Variants in CRADD observed in about 807,000 individuals in gnomAD.
CRADD encodes death domain-containing protein CRADD.
A neutral mutation model predicts 15.5 loss-of-function variants in CRADD; 9 were observed. The observed-to-expected ratio is 0.58, with a 90% CI of 0.35 to 1.01. CRADD has a LOEUF of 1.01. CRADD is among the 50% of genes least tolerant of loss of function. The probability of loss-of-function intolerance (pLI) is 0.02; values close to 1 mark genes in which losing one functional copy is unlikely to be tolerated. For synonymous variants in CRADD, 118 were observed against 107.6 expected (o/e 1.10, Z -0.60); for missense variants, 227 against 250.3 (o/e 0.91, Z 0.63).
At chr12:93,850,884 C>A, downstream of CRADD, 2 of 317,678 alleles carry the variant, frequency 6.3e-6, no homozygotes, top group Non-Finnish European at 9.1e-6. The surrounding 1 kb of genome is among the most constrained non-coding windows in gnomAD (Gnocchi z 4.0). Flanking sequence ...GTTACTTTCC[C>A]AAGTCAGGAT....
rs893710633 is a variant in CRADD, at chr12:93,752,284, C to G, written c.298+73212C>G. ...CTGGCTAACTCATGATTCAGAAGCC[C>G]TTTGGATCCACTTATAAGGCCATTC... On this transcript the variant is annotated intron_variant, in intron 2 of 2. Coordinates refer to ENST00000332896, the MANE Select transcript of CRADD (RefSeq NM_003805.5). 3.7e-4 allele frequency among the ~76,000 whole-genome samples: 56 copies of G among 152,164 alleles called. 1 individual carries two copies. The highest frequency in any genetic ancestry group is 3.9e-4 in the Admixed American group (6 of 15,282).
intron 2 of CRADD, among the ~76,000 whole-genome samples, chr12:93,711,055 C>CCCCCCT: frequency 1.2e-3 from 53 of 43,496 alleles, no homozygotes; most frequent in Admixed American, 2.1e-3. Flanking sequence ...CCACCCCCGC[C>CCCCCCT]TTTTTTTTTT....
At chr12:93,815,916 T>C (rs973029075) in intron 2 of CRADD, 21 of 152,192 alleles carry the variant, frequency 1.4e-4, no homozygotes, top group African/African-American at 4.8e-4. Context: ...GTGTCACTGC[T>C]CACTCCTGTG....
chr12:93,680,296 C>T (rs1222036303), intron 2 of CRADD, among the ~76,000 whole-genome samples: 2 of 152,032 alleles, frequency 1.3e-5, no homozygotes, highest in Admixed American at 1.3e-4. Context: ...AGAACTATTC[C>T]GGTTCAGTGG....
At chr12:93,813,854 A>G (rs1488807994) in intron 2 of CRADD, among the ~76,000 whole-genome samples, 1 of 152,124 alleles carries the variant, frequency 6.6e-6, no homozygotes, top group African/African-American at 2.4e-5. Context: ...GGAGAGAAAG[A>G]AAGAAGAATA....
chr12:93,685,270 G>A (rs1013646319), intron 2 of CRADD, among the ~76,000 whole-genome samples: 2 of 152,096 alleles, frequency 1.3e-5, no homozygotes, highest in African/African-American at 2.4e-5. Context: ...TGGTTATTAG[G>A]GACTGGGAAG....
chr12:93,779,879 G>A (rs1182625388), intron 2 of CRADD, among the ~76,000 whole-genome samples: 3 of 152,162 alleles, frequency 2.0e-5, no homozygotes, highest in African/African-American at 4.8e-5. Context: ...ATGAGCCACC[G>A]CGCCTGGCCC....
chr12:93,726,207 G>A (rs967394235), intron 2 of CRADD, among the ~76,000 whole-genome samples: 5 of 146,174 alleles, frequency 3.4e-5, no homozygotes, highest in South Asian at 2.2e-4. Flanking sequence ...AGGTTCAAGC[G>A]ATTCTCCTGT....
At position 93,882,134 on chromosome 12, in the gene CRADD, A is replaced by T. The variant is rs76307826; in HGVS notation, c.299-11916A>T. 3.1e-4 allele frequency among the ~76,000 whole-genome samples: 47 copies of T among 151,576 alleles called. No homozygotes were observed. The East Asian group carries it at 5.8e-3, about 19-fold the overall frequency. ...GTAAGACTCTGTTTCAAAAAAAATT[A>T]AAAAAGGCCAGGCACGGTGGCTCAT... On this transcript the variant is annotated intron_variant, in intron 2 of 2. Transcript: ENST00000548483.
intron 2 of CRADD, among the ~76,000 whole-genome samples, chr12:93,878,185 A>C (rs868791074): frequency 1.1e-4 from 16 of 152,188 alleles, no homozygotes; most frequent in African/African-American, 3.9e-4. Context: ...ATTTTGTCCA[A>C]GACCATTAAG....
At chr12:93,835,435 T>C (rs574605959) in intron 2 of CRADD, among the ~76,000 whole-genome samples, 1 of 152,338 alleles carries the variant, frequency 6.6e-6, no homozygotes, top group South Asian at 2.1e-4. Context: ...TTGTTTCATA[T>C]TCATTTTTTG....
Position 93,805,597 on chromosome 12 carries a change from T to TAAATAAAA in CRADD, c.299-44370_299-44369insTAAAAAAA, listed in dbSNP as rs1287198124. 1.3e-5 allele frequency among the ~76,000 whole-genome samples: 2 copies of TAAATAAAA among 150,758 alleles called. 1 individual carries two copies. Among genetic ancestry groups the TAAATAAAA allele is most frequent in the Admixed American group, 1.3e-4 (2 of 15,070 alleles). ...GTGTATAAATAAATAAATAAATAAA[T>TAAATAAAA]AAAAATAAAAATAAACAGCTAACTA... On this transcript the variant is annotated intron_variant, in intron 2 of 2. Coordinates refer to ENST00000332896, the MANE Select transcript of CRADD (RefSeq NM_003805.5).
chr12:93,891,802 C>T (rs1231801296), intron 2 of CRADD, among the ~76,000 whole-genome samples: 1 of 152,194 alleles, frequency 6.6e-6, no homozygotes, highest in African/African-American at 2.4e-5. Context: ...AGAATCTGGG[C>T]TCCTCGCACT....
intron 2 of CRADD, among the ~76,000 whole-genome samples, chr12:93,829,446 T>C (rs1957864728): frequency 6.6e-6 from 1 of 152,156 alleles, no homozygotes; most frequent in African/African-American, 2.4e-5. Context: ...GAGTGGATGC[T>C]GGGGGTAGCC....
intron 2 of CRADD, among the ~76,000 whole-genome samples, chr12:93,788,699 TG>T (rs2136981781): frequency 6.6e-6 from 1 of 152,326 alleles, no homozygotes; most frequent in South Asian, 2.1e-4. Context: ...GAAACAGCAA[TG>T]GCATTGGGAT....
intron 2 of CRADD, among the ~76,000 whole-genome samples, chr12:93,774,431 T>C (rs1021722621): frequency 2.6e-5 from 4 of 152,218 alleles, no homozygotes; most frequent in Non-Finnish European, 5.9e-5. Flanking sequence ...AGCTGTTTAG[T>C]GGCAGGACCA....
chr12:93,858,554 C>G (rs1958293181), intron 2 of CRADD, among the ~76,000 whole-genome samples: 1 of 152,146 alleles, frequency 6.6e-6, no homozygotes, highest in Admixed American at 6.5e-5. Flanking sequence ...AACAATACCC[C>G]AAAATGAAAG....
At chr12:93,852,701 G>A (rs1442569440), downstream of CRADD, among the ~76,000 whole-genome samples, 2 of 152,186 alleles carry the variant, frequency 1.3e-5, no homozygotes, top group Non-Finnish European at 2.9e-5. Context: ...GTTTGTATGG[G>A]AGAAGATTCT....
chr12:93,832,886 C>T (rs1957925724), intron 2 of CRADD, among the ~76,000 whole-genome samples: 2 of 152,204 alleles, frequency 1.3e-5, no homozygotes, highest in Non-Finnish European at 2.9e-5. Flanking sequence ...TAATGTTGAA[C>T]TTACAATAGT....
Sources: gnomAD v4.1 joint callset for allele counts (sites outside exome capture counted in the v4.1 genomes callset) on GRCh38, gnomAD v4.1.1 for gene constraint, Gnocchi (gnomAD v3.1) non-coding constraint, MANE v1.5 for transcripts, NCBI Gene and HGNC (gene_info 2026-07-23, HGNC 2026-07-21) for gene names.